The following SLIT2 variants were observed in gnomAD, a reference collection of about 807,000 sequenced individuals.
SLIT2 encodes slit homolog 2 protein.
A neutral mutation model predicts 185.7 loss-of-function variants in SLIT2; 41 were observed. That is an observed-to-expected ratio of 0.22 (90% CI 0.17 to 0.29). The LOEUF is 0.29. Among genes scored for constraint, SLIT2 ranks in the 10% least tolerant of loss-of-function variants. The pLI is 1.00. For missense variants in SLIT2, 1,571 were observed against 1,909.0 expected (o/e 0.82, Z 3.30); for synonymous variants, 693 against 680.2 (o/e 1.02, Z -0.29).
intron 4 of SLIT2, among the ~76,000 whole-genome samples, chr4:20,442,719 G>A (rs940422488): frequency 2.6e-5 from 4 of 152,054 alleles, no homozygotes; most frequent in Non-Finnish European, 5.9e-5. Context: ...CAGAGTTTTC[G>A]TGTTCGGTGA....
intron 4 of SLIT2, among the ~76,000 whole-genome samples, chr4:20,336,243 A>G (rs1720486037): frequency 6.6e-6 from 1 of 152,146 alleles, no homozygotes; most frequent in Non-Finnish European, 1.5e-5. Context: ...TTCCTTTAAT[A>G]TGTGAAGACA....
intron 7 of SLIT2, among the ~76,000 whole-genome samples, chr4:20,487,124 C>A (rs982888030): frequency 5.3e-5 from 8 of 151,776 alleles, no homozygotes; most frequent in African/African-American, 1.9e-4. Context: ...TTTGAATTAC[C>A]ATCTTTTTAA....
chr4:20,589,514 G>A, intron 29 of SLIT2, 130 bp from the exon 30 acceptor site: 1 of 694,852 alleles, frequency 1.4e-6, no homozygotes, highest in Admixed American at 2.4e-5. Flanking sequence ...TTTTGTTTTG[G>A]GTTTTTTGCT....
rs901163573 is a variant in SLIT2 at position 20,565,859 on chromosome 4, G to A, written c.2726-1403G>A. Among the ~76,000 whole-genome samples, 4 of 151,872 alleles carry A rather than the reference G, an allele frequency of 2.6e-5. No individual in the cohort carries two copies. The East Asian group carries it at 5.8e-4, about 22-fold the overall frequency. ...CATTTCAAGAGTTTTTTAATCGATA[G>A]GAAAGCTAAACACTACAGGACACTA... On this transcript the variant is annotated intron_variant, in intron 26 of 36. Coordinates refer to ENST00000504154, the MANE Select transcript of SLIT2 (RefSeq NM_004787.4).
At chr4:20,585,062 A>C (rs1055401682) in intron 29 of SLIT2, among the ~76,000 whole-genome samples, 11 of 152,240 alleles carry the variant, frequency 7.2e-5, no homozygotes, top group African/African-American at 1.9e-4. Flanking sequence ...CTCAAAAAAA[A>C]CAAAAAACAA....
intron 12 of SLIT2, among the ~76,000 whole-genome samples, chr4:20,521,601 A>G (rs960250499): frequency 2.0e-5 from 3 of 152,176 alleles, no homozygotes; most frequent in African/African-American, 7.2e-5. Context: ...ACAGGTCAGC[A>G]TTACTTGAGT....
intron 4 of SLIT2, among the ~76,000 whole-genome samples, chr4:20,290,396 G>A (rs11729585): frequency 0.059 from 8,988 of 152,186 alleles, 489 homozygotes; most frequent in African/African-American, 0.15. Context: ...AATTTGCATA[G>A]CATTTACATT....
At chr4:20,461,834 C>G (rs1713748795) in intron 4 of SLIT2, among the ~76,000 whole-genome samples, 2 of 152,220 alleles carry the variant, frequency 1.3e-5, no homozygotes, top group Admixed American at 6.5e-5. Flanking sequence ...TTTGGAAATA[C>G]AATTCTGGTA....
At chr4:20,354,531 T>A (rs914473257) in intron 4 of SLIT2, among the ~76,000 whole-genome samples, 47 of 152,294 alleles carry the variant, frequency 3.1e-4, no homozygotes, top group Middle Eastern at 3.4e-3. Flanking sequence ...CTAAAAATGT[T>A]CCAAAGTTTT....
chr4:20,394,975 C>G (rs4604057), intron 4 of SLIT2: 47,642 of 151,658 alleles, frequency 0.31, 7,711 homozygotes, highest in Non-Finnish European at 0.37. Context: ...GTGGTGGCTG[C>G]CTTTTTTGGA....
chr4:20,453,960 C>T (rs1712763121), intron 4 of SLIT2, among the ~76,000 whole-genome samples: 2 of 152,180 alleles, frequency 1.3e-5, no homozygotes, highest in Non-Finnish European at 2.9e-5. Flanking sequence ...TGGCATGGAT[C>T]TTAAACCCAC....
chr4:20,370,915 C>T (rs1723520577), intron 4 of SLIT2, among the ~76,000 whole-genome samples: 1 of 152,136 alleles, frequency 6.6e-6, no homozygotes, highest in Admixed American at 6.6e-5. Flanking sequence ...CCATTCTCAA[C>T]TCCACTTAGT....
At chr4:20,366,273 G>A (rs1481817040) in intron 4 of SLIT2, among the ~76,000 whole-genome samples, 2 of 151,790 alleles carry the variant, frequency 1.3e-5, no homozygotes, top group African/African-American at 2.4e-5. Context: ...TCAACACTTC[G>A]TACAATGTAT....
intron 29 of SLIT2, among the ~76,000 whole-genome samples, chr4:20,570,713 ATATATATATATATATATG>A (rs1258823505): frequency 1.3e-4 from 6 of 47,018 alleles, no homozygotes; most frequent in African/African-American, 2.5e-4. Context: ...AGAACCAGGA[ATATATATATATATATATG>A]TATATATATA....
chr4:20,268,953 T>A, intron 4 of SLIT2, 72 bp downstream of exon 4: 1 of 915,800 alleles, frequency 1.1e-6, no homozygotes, highest in Non-Finnish European at 1.8e-6. Context: ...TTTGGATCTG[T>A]TTGTGTGTGC....
At chr4:20,514,941 A>G (rs1720076826) in intron 11 of SLIT2, among the ~76,000 whole-genome samples, 3 of 152,168 alleles carry the variant, frequency 2.0e-5, no homozygotes, top group Non-Finnish European at 1.5e-5. Flanking sequence ...TTTCTATAAT[A>G]TTTAGTAACA....
chr4:20,351,156 C>T (rs1412408444), intron 4 of SLIT2, among the ~76,000 whole-genome samples: 2 of 151,742 alleles, frequency 1.3e-5, no homozygotes, highest in East Asian at 3.9e-4. Flanking sequence ...TCAAGCAATT[C>T]TCCTGCTTCA....
intron 4 of SLIT2, among the ~76,000 whole-genome samples, chr4:20,407,193 G>A (rs1464989968): frequency 3.9e-5 from 6 of 152,044 alleles, no homozygotes; most frequent in Non-Finnish European, 8.8e-5. Flanking sequence ...GTAATGTTTT[G>A]TTTTCTTGCT....
Position 20,546,065 on chromosome 4 carries a change from A to G in SLIT2, c.2311A>G (p.Lys771Glu). ...LDGNQFTLVP[K>E]ELSNYKHLTL... Reference sequence around the variant, plus strand: ...TGGAAACCAATTTACACTGGTTCCCAAGGAACTCTCCAACTACAAACATTT... The same window carrying G: ...TGGAAACCAATTTACACTGGTTCCCGAGGAACTCTCCAACTACAAACATTT... Residue 771 changes from lysine to glutamate, a missense_variant, in exon 22 of 37, where the codon AAG becomes GAG. Lys to Glu is a moderately conservative substitution (Grantham distance 56, BLOSUM62 1). Coordinates refer to ENST00000504154, the MANE Select transcript of SLIT2 (RefSeq NM_004787.4). 1.3e-6 allele frequency: 2 copies of G among 1,589,646 alleles called. No individual in the cohort carries two copies. Among genetic ancestry groups the G allele is most frequent in the Non-Finnish European group, 1.7e-6 (2 of 1,163,454 alleles).
Sources: gnomAD v4.1 joint callset for allele counts (sites outside exome capture counted in the v4.1 genomes callset) on GRCh38, gnomAD v4.1.1 for gene constraint, MANE v1.5 for transcripts, NCBI Gene and HGNC (gene_info 2026-07-23, HGNC 2026-07-21) for gene names.